Variants in BRINP3 observed in about 807,000 individuals in gnomAD.
BRINP3 encodes the protein BMP/retinoic acid inducible neural specific 3.
A neutral mutation model predicts 71.0 loss-of-function variants in BRINP3; 19 were observed. That is an observed-to-expected ratio of 0.27 (90% CI 0.19 to 0.39). The LOEUF is 0.39. BRINP3 is among the 10% of genes least tolerant of loss of function. The pLI, the probability that BRINP3 is intolerant of heterozygous loss-of-function variation, is 1.00. For synonymous variants in BRINP3, 380 were observed against 337.7 expected, an observed-to-expected ratio of 1.13 and a Z score of -1.37; for missense variants, 959 against 940.8, an observed-to-expected ratio of 1.02 and a Z score of -0.25.
chr1:190,403,273 T>C (rs1207802536), intron 2 of BRINP3, among the ~76,000 whole-genome samples: 1 of 152,238 alleles, frequency 6.6e-6, no homozygotes. Context: ...TAACTTGATA[T>C]GTGTCAAATT....
intron 2 of BRINP3, among the ~76,000 whole-genome samples, chr1:190,317,254 G>A (rs1042380331): frequency 4.0e-5 from 6 of 151,686 alleles, no homozygotes; most frequent in Non-Finnish European, 7.4e-5. Context: ...GATGTAAGGG[G>A]TCTTCTTGAG....
In BRINP3 at chr1:190,279,495, G is replaced by A. The variant is rs1393696274; in HGVS notation, c.427+2065C>T. Among the ~76,000 whole-genome samples the A allele has an allele frequency of 6.6e-5, 10 of 151,838 alleles. 1 individual carries two copies. In the Admixed American group the frequency reaches 6.6e-4, roughly 10 times the overall value. Reference sequence around the variant, plus strand: ...AGTCTCACAGTTGCCTAAAAGACGGGGAGGGAGAATCAGGATTCAACAAGG... The same window carrying A: ...AGTCTCACAGTTGCCTAAAAGACGGAGAGGGAGAATCAGGATTCAACAAGG... On this transcript the variant is annotated intron_variant, in intron 3 of 7. Coordinates refer to ENST00000367462, the MANE Select transcript of BRINP3 (RefSeq NM_199051.3).
chr1:190,153,805 G>A (rs1032762801), intron 7 of BRINP3, among the ~76,000 whole-genome samples: 2 of 152,140 alleles, frequency 1.3e-5, no homozygotes, highest in African/African-American at 4.8e-5. Flanking sequence ...AGGCCACAGT[G>A]AGCTATGATC....
At chr1:190,347,608 T>C (rs896181562) in intron 2 of BRINP3, among the ~76,000 whole-genome samples, 2 of 152,122 alleles carry the variant, frequency 1.3e-5, no homozygotes, top group African/African-American at 2.4e-5. Context: ...TAAAAATAAA[T>C]GCAGAAATAC....
At chr1:190,477,110 A>G (rs1433140399) in intron 1 of BRINP3, among the ~76,000 whole-genome samples, 1 of 152,188 alleles carries the variant, frequency 6.6e-6, no homozygotes, top group East Asian at 1.9e-4. Context: ...ATAAAATGTG[A>G]CATTTCAAAT....
intron 2 of BRINP3, among the ~76,000 whole-genome samples, chr1:190,413,104 T>C (rs1258907537): frequency 6.6e-6 from 1 of 152,200 alleles, no homozygotes; most frequent in Non-Finnish European, 1.5e-5. Context: ...ATTGTAAATA[T>C]TCAAATCCTT....
Position 190,187,714 on chromosome 1 carries a change from C to T in BRINP3, c.962-26824G>A, listed in dbSNP as rs982312365. Among the ~76,000 whole-genome samples the T allele has an allele frequency of 9.9e-5, 15 of 151,938 alleles. 1 individual carries two copies. Among genetic ancestry groups the T allele is most frequent in the South Asian group, 4.1e-4 (2 of 4,828 alleles). On this transcript the variant is annotated intron_variant, in intron 6 of 7. Transcript: ENST00000367462. Reference sequence around the variant, plus strand: ...ATGCATGGATTTATTTCAGGACTTTCTTTTCTATTCAATTGGTCTATTTCC... The same window carrying T: ...ATGCATGGATTTATTTCAGGACTTTTTTTTCTATTCAATTGGTCTATTTCC...
At chr1:190,263,302 G>A (rs1193433184) in intron 4 of BRINP3, among the ~76,000 whole-genome samples, 1 of 151,922 alleles carries the variant, frequency 6.6e-6, no homozygotes, top group African/African-American at 2.4e-5. Context: ...TATCTGTACG[G>A]CATAAATATT....
intron 2 of BRINP3, among the ~76,000 whole-genome samples, chr1:190,395,895 T>C (rs1671534918): frequency 1.3e-5 from 2 of 151,702 alleles, no homozygotes; most frequent in African/African-American, 2.4e-5. Flanking sequence ...AAAGCCACAG[T>C]ATGTCCCTTC....
intron 2 of BRINP3, among the ~76,000 whole-genome samples, chr1:190,385,066 A>G (rs1008059615): frequency 6.6e-6 from 1 of 152,062 alleles, no homozygotes; most frequent in African/African-American, 2.4e-5. Flanking sequence ...ACAAAAATCA[A>G]TTCAAGATGG....
At chr1:190,375,338 G>C (rs570562107) in intron 2 of BRINP3, among the ~76,000 whole-genome samples, 28 of 151,828 alleles carry the variant, frequency 1.8e-4, no homozygotes, top group South Asian at 2.1e-4. Context: ...TAGTGTAAAA[G>C]ACAAGGCCAT....
chr1:190,128,333 A>G (rs1336139650), intron 7 of BRINP3, among the ~76,000 whole-genome samples: 1 of 151,830 alleles, frequency 6.6e-6, no homozygotes, highest in Non-Finnish European at 1.5e-5. Context: ...TTGTAATTAC[A>G]TAACTTCATC....
At chr1:190,445,284 A>G (rs1399573648) in intron 2 of BRINP3, among the ~76,000 whole-genome samples, 1 of 152,172 alleles carries the variant, frequency 6.6e-6, no homozygotes, top group Non-Finnish European at 1.5e-5. Flanking sequence ...ACTTTAAAAT[A>G]CAATTTGAAA....
intron 2 of BRINP3, among the ~76,000 whole-genome samples, chr1:190,337,386 G>T (rs1667360063): frequency 6.6e-6 from 1 of 151,986 alleles, no homozygotes; most frequent in African/African-American, 2.4e-5. Flanking sequence ...GTCGCCAAAG[G>T]GGATTAATAT....
intron 4 of BRINP3, among the ~76,000 whole-genome samples, chr1:190,242,639 A>G (rs1248038069): frequency 6.6e-6 from 1 of 152,132 alleles, no homozygotes; most frequent in Admixed American, 6.6e-5. Flanking sequence ...AGTTTATAGA[A>G]CTGCATTTTT....
intron 7 of BRINP3, among the ~76,000 whole-genome samples, chr1:190,113,610 T>C (rs1205347378): frequency 6.6e-6 from 1 of 152,074 alleles, no homozygotes; most frequent in Non-Finnish European, 1.5e-5. Context: ...AAAAATAGAG[T>C]TGAGTCAAAA....
chr1:190,210,458 CAAACT>C (rs1655887064), intron 6 of BRINP3, among the ~76,000 whole-genome samples: 1 of 151,902 alleles, frequency 6.6e-6, no homozygotes, highest in Non-Finnish European at 1.5e-5. Flanking sequence ...CAAATAAATA[CAAACT>C]ATATTAGACA....
chr1:190,164,469 A>G (rs1395862070), intron 6 of BRINP3, among the ~76,000 whole-genome samples: 2 of 152,162 alleles, frequency 1.3e-5, no homozygotes, highest in African/African-American at 4.8e-5. Context: ...TTATTAATTC[A>G]TATTATTGTG....
chr1:190,407,178 A>C (rs1672335930), intron 2 of BRINP3, among the ~76,000 whole-genome samples: 1 of 152,230 alleles, frequency 6.6e-6, no homozygotes, highest in Non-Finnish European at 1.5e-5. Flanking sequence ...CTTAGTAGAA[A>C]TAGTAGTATA....
Sources: gnomAD v4.1 joint callset for allele counts (sites outside exome capture counted in the v4.1 genomes callset) on GRCh38, gnomAD v4.1.1 for gene constraint, MANE v1.5 for transcripts, NCBI Gene and HGNC (gene_info 2026-07-23, HGNC 2026-07-21) for gene names.